CCSER2: variants seen among roughly 807,000 people sequenced by gnomAD.
CCSER2 encodes coiled-coil serine rich protein 2, also known as serine-rich coiled-coil domain-containing protein 2.
In CCSER2, 46 loss-of-function variants were observed where a neutral mutation model predicts 92.3. The observed-to-expected ratio is 0.50, with a 90% CI of 0.39 to 0.64. The LOEUF is 0.64. CCSER2 is among the 30% of genes least tolerant of loss of function. CCSER2 has a pLI of 0.00. For synonymous variants in CCSER2, 433 were observed against 431.4 expected (o/e 1.00, Z -0.04); for missense variants, 1,244 against 1,238.9 (o/e 1.00, Z -0.06).
chr10:84,378,235 A>G (rs1445005322), intron 3 of CCSER2, among the ~76,000 whole-genome samples: 6 of 151,662 alleles, frequency 4.0e-5, no homozygotes. Context: ...AGTTTTACCA[A>G]ATGCTTTCTC....
chr10:84,485,705 C>T (rs1272338965), intron 9 of CCSER2, among the ~76,000 whole-genome samples: 1 of 152,128 alleles, frequency 6.6e-6, no homozygotes, highest in Non-Finnish European at 1.5e-5. Flanking sequence ...TTTCTTTAAT[C>T]AGCATTTTTC....
At chr10:84,511,130 T>A (rs1460365383) in intron 9 of CCSER2, among the ~76,000 whole-genome samples, 1 of 152,236 alleles carries the variant, frequency 6.6e-6, no homozygotes, top group Non-Finnish European at 1.5e-5. Context: ...AGACATTTAT[T>A]TATAAAACTG....
intron 5 of CCSER2, among the ~76,000 whole-genome samples, chr10:84,434,614 A>C (rs1238009484): frequency 6.6e-6 from 1 of 152,204 alleles, no homozygotes; most frequent in Non-Finnish European, 1.5e-5. Context: ...TATTCTTTTG[A>C]TACTTCTATT....
At chr10:84,464,047 A>G (rs570347907) in intron 7 of CCSER2, 31 bp downstream of exon 7, 17 of 1,222,162 alleles carry the variant, frequency 1.4e-5, no homozygotes, top group Admixed American at 8.2e-5. Flanking sequence ...TGGATTTTTC[A>G]AAATTCTTTT....
At chr10:84,361,789 C>T (rs1353048349) in intron 1 of CCSER2, among the ~76,000 whole-genome samples, 1 of 151,922 alleles carries the variant, frequency 6.6e-6, no homozygotes, top group East Asian at 1.9e-4. Flanking sequence ...TACAGGCATG[C>T]ACCACCATGC....
In CCSER2 at chr10:84,516,076, A is replaced by C. The variant is rs985937038; in HGVS notation, c.*1809A>C. On this transcript the variant is annotated 3_prime_UTR_variant, in exon 10 of 10. Transcript: ENST00000372088. ...AGGATTATGGCCAAAAAGTCACTCA[A>C]ATTTCTAGAGATTCCTTTAAAAGAT... 3.9e-5 allele frequency: 6 copies of C among 152,222 alleles called. No homozygotes were observed. The highest frequency in any genetic ancestry group is 2.6e-4 in the Admixed American group (4 of 15,286). The allele number at this position is 152,222 out of a possible 1,614,324, so 9.4% of individuals were successfully genotyped here. A position where few individuals can be genotyped will look rare whatever the true frequency, so the allele number is the denominator to read the frequency against.
chr10:84,384,984 G>A (rs927710090), intron 3 of CCSER2, among the ~76,000 whole-genome samples: 23 of 147,192 alleles, frequency 1.6e-4, no homozygotes, highest in Admixed American at 6.3e-4. Flanking sequence ...CAAATTGAGA[G>A]CTGAAATCAA....
At chr10:84,403,435 G>A (rs1842222407) in intron 3 of CCSER2, among the ~76,000 whole-genome samples, 1 of 152,096 alleles carries the variant, frequency 6.6e-6, no homozygotes, top group African/African-American at 2.4e-5. Flanking sequence ...TTGACAAATT[G>A]AACCTCATTA....
chr10:84,512,395 T>TGTGTGA (rs1554872145), intron 9 of CCSER2, among the ~76,000 whole-genome samples: 2 of 129,742 alleles, frequency 1.5e-5, no homozygotes, highest in African/African-American at 5.7e-5. Flanking sequence ...TGTGTGTGTG[T>TGTGTGA]GAGAGAGAGA....
At chr10:84,452,867 C>T (rs1466183177) in intron 6 of CCSER2, among the ~76,000 whole-genome samples, 3 of 152,006 alleles carry the variant, frequency 2.0e-5, no homozygotes, top group Non-Finnish European at 2.9e-5. Flanking sequence ...TAATTTTGGC[C>T]TGGGCACTTT....
chr10:84,477,760 T>C, intron 9 of CCSER2, 96 bp downstream of exon 9: 1 of 675,288 alleles, frequency 1.5e-6, no homozygotes, highest in Non-Finnish European at 2.5e-6. Context: ...ATTTTGAATC[T>C]GTCATGGCTG....
intron 5 of CCSER2, among the ~76,000 whole-genome samples, chr10:84,430,910 AG>A (rs2133460512): frequency 6.6e-6 from 1 of 152,322 alleles, no homozygotes; most frequent in Non-Finnish European, 1.5e-5. Context: ...TTATTCTGGC[AG>A]TGTTTCTCTT....
At chr10:84,428,471 A>C (rs1843563070) in intron 5 of CCSER2, among the ~76,000 whole-genome samples, 1 of 152,078 alleles carries the variant, frequency 6.6e-6, no homozygotes, top group East Asian at 1.9e-4. Context: ...CCTGGCTCCT[A>C]ACAGACCACA....
intron 3 of CCSER2, among the ~76,000 whole-genome samples, chr10:84,414,346 A>T (rs1380585195): frequency 6.6e-6 from 1 of 152,164 alleles, no homozygotes; most frequent in African/African-American, 2.4e-5. Flanking sequence ...AGACTTGGTG[A>T]TGATGTATTC....
intron 6 of CCSER2, among the ~76,000 whole-genome samples, chr10:84,443,146 T>TGG (rs1844679395): frequency 6.6e-6 from 1 of 151,780 alleles, no homozygotes; most frequent in African/African-American, 2.4e-5. Flanking sequence ...AATTGACAAA[T>TGG]GGGATCTAAT....
intron 3 of CCSER2, among the ~76,000 whole-genome samples, chr10:84,392,890 CA>C (rs1841605244): frequency 6.6e-6 from 1 of 151,986 alleles, no homozygotes; most frequent in African/African-American, 2.4e-5. Context: ...ATTTCTAGGC[CA>C]ATATGTTATT....
chr10:84,508,940 T>A (rs947053810), intron 9 of CCSER2, among the ~76,000 whole-genome samples: 2 of 152,216 alleles, frequency 1.3e-5, no homozygotes, highest in Admixed American at 1.3e-4. Flanking sequence ...TATTTAATTA[T>A]TAGAATTTTC....
chr10:84,443,469 C>A (rs1184916628), intron 6 of CCSER2, among the ~76,000 whole-genome samples: 1 of 152,030 alleles, frequency 6.6e-6, no homozygotes, highest in South Asian at 2.1e-4. Context: ...GTTAAAATGG[C>A]GATCATTAAA....
At chr10:84,339,305 C>G (rs1477101275) in intron 1 of CCSER2, among the ~76,000 whole-genome samples, 1 of 151,716 alleles carries the variant, frequency 6.6e-6, no homozygotes, top group African/African-American at 2.4e-5. Flanking sequence ...TGCCCAGCCT[C>G]TCCAGGGGAT....
Sources: gnomAD v4.1 joint callset for allele counts (sites outside exome capture counted in the v4.1 genomes callset) on GRCh38, gnomAD v4.1.1 for gene constraint, MANE v1.5 for transcripts, NCBI Gene and HGNC (gene_info 2026-07-23, HGNC 2026-07-21) for gene names.